Variants in PDLIM5 observed in about 807,000 individuals in gnomAD.
PDLIM5 encodes the protein PDZ and LIM domain 5, also known as PDZ and LIM domain protein 5.
A neutral mutation model predicts 64.2 loss-of-function variants in PDLIM5; 34 were observed. The ratio of observed to expected loss-of-function variants is 0.53; its 90% CI spans 0.40 to 0.71. The LOEUF is 0.71. PDLIM5 is among the 30% of genes least tolerant of loss of function. The pLI, the probability that PDLIM5 is intolerant of heterozygous loss-of-function variation, is 0.00. For synonymous variants in PDLIM5, 253 were observed against 269.1 expected, an observed-to-expected ratio of 0.94 and a Z score of 0.59; for missense variants, 683 against 733.6, an observed-to-expected ratio of 0.93 and a Z score of 0.80.
At chr4:94,663,021 G>A (rs529233915) in intron 12 of PDLIM5, among the ~76,000 whole-genome samples, 66 of 152,206 alleles carry the variant, frequency 4.3e-4, no homozygotes, top group African/African-American at 1.4e-3. Context: ...TCCAATAAAC[G>A]TGATAAAGTA....
chr4:94,532,979 G>A (rs1468696394), intron 3 of PDLIM5, among the ~76,000 whole-genome samples: 1 of 152,160 alleles, frequency 6.6e-6, no homozygotes, highest in Non-Finnish European at 1.5e-5. Flanking sequence ...CTCCAGACTG[G>A]GCGACAGAGT....
chr4:94,509,730 A>C (rs1728697400), intron 2 of PDLIM5, among the ~76,000 whole-genome samples: 1 of 152,158 alleles, frequency 6.6e-6, no homozygotes, highest in Non-Finnish European at 1.5e-5. Context: ...CCGATGTTTG[A>C]GGGCAAGAAG....
At chr4:94,502,001 G>A (rs1167843811) in intron 2 of PDLIM5, among the ~76,000 whole-genome samples, 2 of 152,022 alleles carry the variant, frequency 1.3e-5, no homozygotes, top group East Asian at 3.9e-4. Context: ...GGACTTTGGG[G>A]GCTCTGCCTT....
At chr4:94,653,563 A>G (rs914609055) in intron 9 of PDLIM5, among the ~76,000 whole-genome samples, 3 of 152,040 alleles carry the variant, frequency 2.0e-5, no homozygotes, top group African/African-American at 7.2e-5. Context: ...ATCTCTTACA[A>G]ACATTTGTTA....
chr4:94,559,312 T>C (rs1733636032), intron 3 of PDLIM5, among the ~76,000 whole-genome samples: 1 of 152,158 alleles, frequency 6.6e-6, no homozygotes, highest in Admixed American at 6.6e-5. Context: ...TTCTATCTAG[T>C]GCTATTTTTA....
intron 8 of PDLIM5, among the ~76,000 whole-genome samples, chr4:94,622,174 G>A (rs1203807809): frequency 6.6e-6 from 1 of 152,070 alleles, no homozygotes; most frequent in African/African-American, 2.4e-5. Flanking sequence ...ATCTCAGAAT[G>A]TACTCTTAGT....
chr4:94,655,697 A>T (rs566272531), intron 10 of PDLIM5, among the ~76,000 whole-genome samples: 1 of 152,346 alleles, frequency 6.6e-6, no homozygotes, highest in South Asian at 2.1e-4. Context: ...GTTTTAGTGT[A>T]TCAAGGTATT....
intron 2 of PDLIM5, among the ~76,000 whole-genome samples, chr4:94,472,670 CT>C (rs1724984852): frequency 6.6e-6 from 1 of 152,136 alleles, no homozygotes; most frequent in South Asian, 2.1e-4. Context: ...GCCAGCTAGA[CT>C]AGGATGAGTG....
chr4:94,638,443 A>G (rs1417702484), intron 8 of PDLIM5, among the ~76,000 whole-genome samples: 1 of 152,182 alleles, frequency 6.6e-6, no homozygotes, highest in African/African-American at 2.4e-5. Flanking sequence ...AGTGCACTGT[A>G]GAAGATGTGT....
intron 2 of PDLIM5, among the ~76,000 whole-genome samples, chr4:94,478,904 T>G (rs971936528): frequency 3.4e-5 from 5 of 146,912 alleles, no homozygotes; most frequent in Non-Finnish European, 4.5e-5. Flanking sequence ...TTTTTTTTTT[T>G]TTTTTTTTTT....
At chr4:94,452,744 T>G (rs1722972975) in intron 1 of PDLIM5, among the ~76,000 whole-genome samples, 1 of 152,078 alleles carries the variant, frequency 6.6e-6, no homozygotes, top group Admixed American at 6.5e-5. Context: ...GCAGGGCAGA[T>G]TTAGGGTGTG....
intron 3 of PDLIM5, among the ~76,000 whole-genome samples, chr4:94,550,451 G>A (rs1185369263): frequency 6.6e-6 from 1 of 152,154 alleles, no homozygotes; most frequent in Admixed American, 6.6e-5. Flanking sequence ...ATTATTTTAA[G>A]CTCTATCTGT....
chr4:94,520,162 G>C (rs1293753068), intron 2 of PDLIM5, among the ~76,000 whole-genome samples: 1 of 152,154 alleles, frequency 6.6e-6, no homozygotes, highest in African/African-American at 2.4e-5. Context: ...CAACTGAGGT[G>C]AGACCACAAA....
chr4:94,501,933 G>T (rs1166766623), intron 2 of PDLIM5, among the ~76,000 whole-genome samples: 4 of 152,190 alleles, frequency 2.6e-5, no homozygotes, highest in African/African-American at 9.7e-5. Flanking sequence ...GCCTACTAAT[G>T]GGGTTATGGA....
intron 7 of PDLIM5, 28 bp from the exon 8 acceptor site, chr4:94,617,976 C>G (rs764103489): frequency 1.5e-6 from 2 of 1,370,292 alleles, no homozygotes; most frequent in Non-Finnish European, 2.0e-6. Flanking sequence ...ACCACTTCAC[C>G]AAAGATGTTT....
intron 7 of PDLIM5, among the ~76,000 whole-genome samples, chr4:94,593,725 C>T (rs544437661): frequency 1.3e-5 from 2 of 152,068 alleles, no homozygotes; most frequent in African/African-American, 2.4e-5. Context: ...GGATACAGTT[C>T]GGTCCATAAC....
intron 3 of PDLIM5, among the ~76,000 whole-genome samples, chr4:94,530,850 T>A (rs1246216307): frequency 1.3e-5 from 2 of 152,182 alleles, no homozygotes; most frequent in Non-Finnish European, 2.9e-5. Context: ...AAGTAGCTGT[T>A]GTACCAGACT....
chr4:94,601,465 A>G (rs1283282430), intron 7 of PDLIM5, among the ~76,000 whole-genome samples: 2 of 152,178 alleles, frequency 1.3e-5, no homozygotes, highest in African/African-American at 4.8e-5. Context: ...ATAAGTTCCA[A>G]TTCCTTCAGC....
At chr4:94,598,695 A>G (rs1039665092) in intron 7 of PDLIM5, among the ~76,000 whole-genome samples, 2 of 152,168 alleles carry the variant, frequency 1.3e-5, no homozygotes, top group African/African-American at 2.4e-5. Context: ...TAGAGCAGAC[A>G]TGCAATGAAA....
Sources: gnomAD v4.1 joint callset for allele counts (sites outside exome capture counted in the v4.1 genomes callset) on GRCh38, gnomAD v4.1.1 for gene constraint, MANE v1.5 for transcripts, NCBI Gene and HGNC (gene_info 2026-07-23, HGNC 2026-07-21) for gene names.